Variants in ADAM12 observed in about 807,000 individuals in gnomAD.
ADAM12 encodes the protein ADAM metallopeptidase domain 12, also known as disintegrin and metalloproteinase domain-containing protein 12.
A neutral mutation model predicts 106.4 loss-of-function variants in ADAM12; 70 were observed. The observed-to-expected ratio is 0.66, with a 90% CI of 0.54 to 0.80. The LOEUF (loss-of-function observed/expected upper bound fraction) is 0.80, where lower values mean the gene tolerates loss of function less well. Among genes scored for constraint, ADAM12 ranks in the 30% least tolerant of loss-of-function variants. ADAM12 has a pLI of 0.00. For missense variants in ADAM12, 1,010 were observed against 1,171.9 expected, an observed-to-expected ratio of 0.86 and a Z score of 2.02; for synonymous variants, 420 against 433.5, an observed-to-expected ratio of 0.97 and a Z score of 0.39.
At chr10:126,086,692 T>TATATATATATATATATATATAC (rs1484769998) in intron 11 of ADAM12, among the ~76,000 whole-genome samples, 20 of 69,046 alleles carry the variant, frequency 2.9e-4, no homozygotes, top group African/African-American at 1.5e-3. Flanking sequence ...TATATATATA[T>TATATATATATATATATATATAC]ATATATATAT....
At chr10:126,160,107 A>AT (rs1278264087) in intron 3 of ADAM12, among the ~76,000 whole-genome samples, 1 of 152,220 alleles carries the variant, frequency 6.6e-6, no homozygotes, top group East Asian at 1.9e-4. Context: ...TTCTCAAGAT[A>AT]TTTTGAAGAC....
At chr10:126,166,094 C>T (rs1030481174) in intron 3 of ADAM12, among the ~76,000 whole-genome samples, 14 of 152,196 alleles carry the variant, frequency 9.2e-5, no homozygotes, top group Non-Finnish European at 1.8e-4. Flanking sequence ...TAGGGGACAA[C>T]AAAGTTTCCT....
chr10:126,217,328 G>A (rs543228047), intron 3 of ADAM12, among the ~76,000 whole-genome samples: 7 of 150,728 alleles, frequency 4.6e-5, no homozygotes, highest in African/African-American at 1.5e-4. Flanking sequence ...TCAAATTTAT[G>A]AAGTTATCAT....
At chr10:126,022,741 A>C (rs922702897) in intron 21 of ADAM12, among the ~76,000 whole-genome samples, 1 of 152,248 alleles carries the variant, frequency 6.6e-6, no homozygotes, top group Non-Finnish European at 1.5e-5. Context: ...GATTGCTCAC[A>C]CACGATAAAC....
chr10:126,133,135 G>T (rs1432713783), intron 5 of ADAM12, among the ~76,000 whole-genome samples: 1 of 151,980 alleles, frequency 6.6e-6, no homozygotes, highest in Non-Finnish European at 1.5e-5. Context: ...CACCTCCCCT[G>T]CAGCCTCTCA....
intron 3 of ADAM12, among the ~76,000 whole-genome samples, chr10:126,253,286 A>G (rs895662533): frequency 1.3e-5 from 2 of 152,154 alleles, no homozygotes; most frequent in Non-Finnish European, 2.9e-5. Flanking sequence ...TCAAGTCACC[A>G]TGATGCATTT....
chr10:126,337,093 A>C (rs1854728591), intron 1 of ADAM12, among the ~76,000 whole-genome samples: 1 of 152,244 alleles, frequency 6.6e-6, no homozygotes, highest in African/African-American at 2.4e-5. Flanking sequence ...TTTATTAGGA[A>C]GAACTGGCTC....
intron 21 of ADAM12, among the ~76,000 whole-genome samples, chr10:126,029,015 TGATCATTA>T (rs956231715): frequency 6.6e-6 from 1 of 152,176 alleles, no homozygotes; most frequent in Non-Finnish European, 1.5e-5. Flanking sequence ...TCAACATCAC[TGATCATTA>T]GAGAAATGCA....
At chr10:126,307,597 G>A (rs947475434) in intron 2 of ADAM12, among the ~76,000 whole-genome samples, 19 of 152,050 alleles carry the variant, frequency 1.2e-4, no homozygotes, top group Non-Finnish European at 7.4e-5. Context: ...CTGGAGTGCA[G>A]TGGCGCGATC....
At chr10:126,080,977 G>A (rs1422402476) in intron 11 of ADAM12, among the ~76,000 whole-genome samples, 2 of 152,284 alleles carry the variant, frequency 1.3e-5, no homozygotes, top group South Asian at 2.1e-4. Context: ...TATCAACCTC[G>A]ACAGTAGAAG....
chr10:126,221,542 G>C (rs1038564717), intron 3 of ADAM12, among the ~76,000 whole-genome samples: 1 of 152,020 alleles, frequency 6.6e-6, no homozygotes, highest in Non-Finnish European at 1.5e-5. Context: ...TTAACATAGC[G>C]AGCTTCTACT....
chr10:126,093,863 C>G (rs1046809253), intron 11 of ADAM12, 122 bp downstream of exon 11: 1 of 1,473,728 alleles, frequency 6.8e-7, no homozygotes, highest in Non-Finnish European at 9.2e-7. Context: ...GAAGGAATTA[C>G]TTTTTGGAAG....
intron 3 of ADAM12, among the ~76,000 whole-genome samples, chr10:126,178,315 T>C (rs1400992266): frequency 1.3e-5 from 2 of 152,078 alleles, no homozygotes; most frequent in Non-Finnish European, 2.9e-5. Context: ...AAGAGAATTT[T>C]GCACCTTAAA....
chr10:126,022,601 A>G (rs145679671), intron 21 of ADAM12, among the ~76,000 whole-genome samples: 1 of 152,200 alleles, frequency 6.6e-6, no homozygotes, highest in African/African-American at 2.4e-5. Context: ...AAGGGATGAA[A>G]TTGCCATGCT....
intron 1 of ADAM12, among the ~76,000 whole-genome samples, chr10:126,374,342 T>A (rs1356922436): frequency 4.6e-5 from 7 of 152,128 alleles, no homozygotes; most frequent in Non-Finnish European, 7.4e-5. Flanking sequence ...TTGCAAGGCA[T>A]TGGAAGAGAT....
intron 1 of ADAM12, among the ~76,000 whole-genome samples, chr10:126,332,233 C>CT (rs1466147927): frequency 6.6e-6 from 1 of 152,206 alleles, no homozygotes; most frequent in Admixed American, 6.5e-5. Context: ...AAAGCCCATT[C>CT]TTTCTTCTTC....
At chr10:126,200,995 G>GCATAAATTTCTC (rs1257299685) in intron 3 of ADAM12, among the ~76,000 whole-genome samples, 2 of 152,164 alleles carry the variant, frequency 1.3e-5, no homozygotes, top group African/African-American at 4.8e-5. Context: ...TCTCATATGG[G>GCATAAATTTCTC]AGGTAATAGG....
At chr10:126,342,404 A>G (rs1854962428) in intron 1 of ADAM12, among the ~76,000 whole-genome samples, 1 of 152,228 alleles carries the variant, frequency 6.6e-6, no homozygotes, top group African/African-American at 2.4e-5. Context: ...TAGCGTCCTG[A>G]AGAACTTTTC....
chr10:126,247,791 A>G (rs1342392745), intron 3 of ADAM12, among the ~76,000 whole-genome samples: 2 of 152,240 alleles, frequency 1.3e-5, no homozygotes, highest in Non-Finnish European at 1.5e-5. Flanking sequence ...ACAAACAGAT[A>G]ATACAGTCAG....
Sources: gnomAD v4.1 joint callset for allele counts (sites outside exome capture counted in the v4.1 genomes callset) on GRCh38, gnomAD v4.1.1 for gene constraint, MANE v1.5 for transcripts, NCBI Gene and HGNC (gene_info 2026-07-23, HGNC 2026-07-21) for gene names.